Variants in CRMP1 observed in about 807,000 individuals in gnomAD.
CRMP1 encodes the protein dihydropyrimidinase-related protein 1.
Under a neutral mutation model 68.3 loss-of-function variants are expected in CRMP1, and 19 were observed. That is an observed-to-expected ratio of 0.28 (90% CI 0.19 to 0.41). The LOEUF is 0.41. Among genes scored for constraint, CRMP1 ranks in the 10% least tolerant of loss-of-function variants. CRMP1 has a pLI of 1.00. For missense variants in CRMP1, 791 were observed against 967.4 expected (o/e 0.82, Z 2.42); for synonymous variants, 439 against 399.6 (o/e 1.10, Z -1.18).
intron 13 of CRMP1, among the ~76,000 whole-genome samples, chr4:5,822,501 G>A (rs1337417137): frequency 6.6e-6 from 1 of 151,954 alleles, no homozygotes; most frequent in Non-Finnish European, 1.5e-5. Flanking sequence ...GAAGGGGGGG[G>A]GGGTGGTGTG....
rs1015962706 is a variant in CRMP1 at position 5,892,296 on chromosome 4, A to G, written c.381+293T>C. The stretch of plus-strand genomic sequence containing the variant: ...GTTTAAGCGTCCATGCGGTAGCTTT[A>G]GCCAACTTCCCCTCTCAGAACCTCT... On this transcript the variant is annotated intron_variant, in intron 1 of 13. Transcript: ENST00000324989. This position sits in a 1 kb window ranked among gnomAD's most constrained non-coding sequence, Gnocchi z 8.6. 8.5e-5 allele frequency among the ~76,000 whole-genome samples: 13 copies of G among 152,230 alleles called. No homozygotes were observed. The highest frequency in any genetic ancestry group is 2.0e-4 in the Admixed American group (3 of 15,290).
chr4:5,825,766 A>C lies in CRMP1; in HGVS notation c.1804-107T>G. ...CGAGAGAGAAACCTGAGGTCACTTC[A>C]AATGTGCATGCACACACACACACAA... On this transcript the variant is annotated intron_variant, in intron 12 of 13. Coordinates refer to ENST00000324989, the MANE Select transcript of CRMP1 (RefSeq NM_001014809.3). This position sits in a 1 kb window ranked among gnomAD's most constrained non-coding sequence, Gnocchi z 4.4. 9.0e-7 allele frequency: 1 copy of C among 1,106,886 alleles called. No homozygotes were observed. Among genetic ancestry groups the C allele is most frequent in the South Asian group, 1.5e-5 (1 of 68,686 alleles). 68.6% of individuals were successfully genotyped at this position (1,106,886 alleles called of 1,614,324 possible).
rs572143118 is a variant in CRMP1, at chr4:5,821,347, C to G, written c.*413G>C. 2 of 178,490 alleles carry G rather than the reference C, an allele frequency of 1.1e-5. No homozygotes were observed. The highest frequency in any genetic ancestry group is 3.1e-4 in the South Asian group (2 of 6,510). The allele number at this position is 178,490 out of a possible 1,614,324, so 11.1% of individuals were successfully genotyped here. A position where few individuals can be genotyped will look rare whatever the true frequency, so the allele number is the denominator to read the frequency against. On this transcript the variant is annotated 3_prime_UTR_variant, in exon 14 of 14. Coordinates refer to ENST00000324989, the MANE Select transcript of CRMP1 (RefSeq NM_001014809.3). This position sits in a 1 kb window ranked among gnomAD's most constrained non-coding sequence, Gnocchi z 4.4. The stretch of plus-strand genomic sequence containing the variant: ...CAGTCAGTCCTTGGCGATGTCCCCT[C>G]AGACGCACTCACAGACTTGCATACG...
chr4:5,853,704 G>A lies in CRMP1; in HGVS notation c.821-2235C>T, dbSNP rs930390696. Among the ~76,000 whole-genome samples the A allele has an allele frequency of 6.6e-5, 10 of 152,218 alleles. No individual in the cohort carries two copies. The highest frequency in any genetic ancestry group is 2.4e-4 in the African/African-American group (10 of 41,452). ...TAGGAAGCAACCTGTGTCCATCAAT[G>A]AATGAATGGATTTTATAAATGTGGT... On this transcript the variant is annotated intron_variant, in intron 4 of 13. Transcript: ENST00000324989. This position sits in a 1 kb window ranked among gnomAD's most constrained non-coding sequence, Gnocchi z 4.7.
At position 5,879,555 on chromosome 4, in the gene CRMP1, C is replaced by G. The variant is rs567255680; in HGVS notation, c.382-12799G>C. ...TAATCTCTGTTGGCTTCAGTTTCCTCATCTATAAATGGAACCCATCAAAAT... is the reference window on the plus strand; with the variant it reads ...TAATCTCTGTTGGCTTCAGTTTCCTGATCTATAAATGGAACCCATCAAAAT... On this transcript the variant is annotated intron_variant, in intron 1 of 13. Coordinates refer to ENST00000324989, the MANE Select transcript of CRMP1 (RefSeq NM_001014809.3). The surrounding 1 kb of genome is among the most constrained non-coding windows in gnomAD (Gnocchi z 4.2). 5.3e-4 allele frequency among the ~76,000 whole-genome samples: 80 copies of G among 152,314 alleles called. No homozygotes were observed. The highest frequency in any genetic ancestry group is 1.8e-3 in the African/African-American group (76 of 41,570).
At chr4:5,873,125 C>A (rs1461420316) in intron 1 of CRMP1, among the ~76,000 whole-genome samples, 1 of 152,174 alleles carries the variant, frequency 6.6e-6, no homozygotes, top group Non-Finnish European at 1.5e-5. Flanking sequence ...AGCTTGTGCC[C>A]TCAAGGGGTG....
rs1715736009 is a variant in CRMP1 at position 5,888,188 on chromosome 4, C to T, written c.381+4401G>A. The T allele has an allele frequency of 4.8e-6, 6 of 1,247,426 alleles. No individual in the cohort carries two copies. The South Asian group carries it at 1.5e-4, about 31-fold the overall frequency. 77.3% of individuals were successfully genotyped at this position (1,247,426 alleles called of 1,614,324 possible). A position where few individuals can be genotyped will look rare whatever the true frequency, so the allele number is the denominator to read the frequency against. ...CTGCCGGGCGCCCACTCCCAGCCCA[C>T]AAAGGCCAGCGCGGGGCGGCGGGGG... On this transcript the variant is annotated intron_variant, in intron 1 of 13. Transcript: ENST00000324989. This position sits in a 1 kb window ranked among gnomAD's most constrained non-coding sequence, Gnocchi z 6.4.
rs539295209 is a variant in CRMP1, at chr4:5,889,390, T to C, written c.381+3199A>G. On this transcript the variant is annotated intron_variant, in intron 1 of 13. Coordinates refer to ENST00000324989, the MANE Select transcript of CRMP1 (RefSeq NM_001014809.3). This position sits in a 1 kb window ranked among gnomAD's most constrained non-coding sequence, Gnocchi z 4.5. The stretch of plus-strand genomic sequence containing the variant: ...CACAGCCCTGGGGACAAGCTGGGGG[T>C]CAGGAGGAGGACTAGGGTGCTCCTG... 6.6e-6 allele frequency among the ~76,000 whole-genome samples: 1 copy of C among 151,804 alleles called. No homozygotes were observed. Among genetic ancestry groups the C allele is most frequent in the Admixed American group, 6.6e-5 (1 of 15,260 alleles).
Position 5,821,765 on chromosome 4 carries a change from C to A in CRMP1, c.2056G>T (p.Gly686Cys). 2 of 1,609,186 alleles carry A rather than the reference C, an allele frequency of 1.2e-6. No individual in the cohort carries two copies. The highest frequency in any genetic ancestry group is 8.5e-7 in the Non-Finnish European group (1 of 1,177,502). Residue 686 changes from glycine to cysteine, a missense_variant, in exon 14 of 14, where the codon GGT becomes TGT. Transcript: ENST00000324989. This position sits in a 1 kb window ranked among gnomAD's most constrained non-coding sequence, Gnocchi z 4.4. ...PGGRSNITSL[G>C] ...GCTCCTCCGCGCATCCACGTTCAACCGAGGCTGGTGATGTTGGAGCGGCCA... is the reference window on the plus strand; with the variant it reads ...GCTCCTCCGCGCATCCACGTTCAACAGAGGCTGGTGATGTTGGAGCGGCCA...
intron 11 of CRMP1, among the ~76,000 whole-genome samples, chr4:5,833,712 C>G (rs1442524479): frequency 6.6e-6 from 1 of 152,144 alleles, no homozygotes; most frequent in Non-Finnish European, 1.5e-5. Flanking sequence ...AGTGCCCACT[C>G]CTGAGCATGG....
At position 5,879,897 on chromosome 4, in the gene CRMP1, G is replaced by A. The variant is rs1259059171; in HGVS notation, c.381+12692C>T. Among the ~76,000 whole-genome samples the A allele has an allele frequency of 6.6e-6, 1 of 151,972 alleles. No homozygotes were observed. The highest frequency in any genetic ancestry group is 1.5e-5 in the Non-Finnish European group (1 of 67,996). ...CGAAAGGAAAGGAAAATGAAAGAAA[G>A]TAAAGGAAAACCTAACACCGTATGC... On this transcript the variant is annotated intron_variant, in intron 1 of 13. Coordinates refer to ENST00000324989, the MANE Select transcript of CRMP1 (RefSeq NM_001014809.3). This position sits in a 1 kb window ranked among gnomAD's most constrained non-coding sequence, Gnocchi z 4.2.
Position 5,890,697 on chromosome 4 carries a change from G to A in CRMP1, c.381+1892C>T, listed in dbSNP as rs2152477952. Among the ~76,000 whole-genome samples the A allele has an allele frequency of 6.6e-6, 1 of 152,316 alleles. No homozygotes were observed. Among genetic ancestry groups the A allele is most frequent in the South Asian group, 2.1e-4 (1 of 4,834 alleles). ...ACCACAGGGAGAAGAGGAAGGAGTA[G>A]GGGAGAGGAACGGGAGAGGTGAAGC... On this transcript the variant is annotated intron_variant, in intron 1 of 13. Coordinates refer to ENST00000324989, the MANE Select transcript of CRMP1 (RefSeq NM_001014809.3). The surrounding 1 kb of genome is among the most constrained non-coding windows in gnomAD (Gnocchi z 5.5).
rs1258872031 is a variant in CRMP1 at position 5,861,194 on chromosome 4, A to T, written c.487T>A (p.Leu163Ile). Reference protein sequence around the residue: ...DGLIKQIGENLIVPGGVKTIE... With the variant: ...DGLIKQIGENIIVPGGVKTIE... ...GTCTTCACTCCACCAGGAACGATTA[A>T]GTTCTCTCCTATTTGTCTGGAGGCA... Residue 163 changes from leucine (L) to isoleucine (I), a missense_variant, in exon 3 of 14, where the codon TTA becomes ATA. This residue lies in a region of CRMP1 where 594 missense variants were observed against 763.6 expected (regional missense o/e 0.78). Coordinates refer to ENST00000324989, the MANE Select transcript of CRMP1 (RefSeq NM_001014809.3). The surrounding 1 kb of genome is among the most constrained non-coding windows in gnomAD (Gnocchi z 6.0). The T allele has an allele frequency of 6.2e-7, 1 of 1,614,000 alleles. No homozygotes were observed. Among genetic ancestry groups the T allele is most frequent in the East Asian group, 2.2e-5 (1 of 44,882 alleles).
rs1714374316 is a variant in CRMP1 at position 5,870,671 on chromosome 4, C to A, written c.382-3915G>T. On this transcript the variant is annotated intron_variant, in intron 1 of 13. Transcript: ENST00000324989. The surrounding 1 kb of genome is among the most constrained non-coding windows in gnomAD (Gnocchi z 6.0). ...GAAGACCAGTGTGAAGAGGCACATC[C>A]CGTTCTTCAGCAGGAGGGTCTCTGG... 1.3e-5 allele frequency among the ~76,000 whole-genome samples: 2 copies of A among 152,168 alleles called. No homozygotes were observed. Among genetic ancestry groups the A allele is most frequent in the South Asian group, 4.2e-4 (2 of 4,816 alleles).
Position 5,836,899 on chromosome 4 carries a change from A to T in CRMP1, c.1318T>A (p.Leu440Met). ...YLTSLLACGD[L>M]QVTGSGHCPY... is the part of the protein sequence containing the mutation. The stretch of plus-strand genomic sequence containing the variant: ...CAGTGGCCGCTGCCTGTGACCTGCA[A>T]GTCCCCACTGGCAAGGACAAAACAA... Residue 440 changes from leucine to methionine, a missense_variant, in exon 10 of 14, where the codon TTG becomes ATG. By Grantham distance (15) the Leu-to-Met change is conservative. Coordinates refer to ENST00000324989, the MANE Select transcript of CRMP1 (RefSeq NM_001014809.3). The T allele has an allele frequency of 6.2e-7, 1 of 1,610,988 alleles. No homozygotes were observed. The highest frequency in any genetic ancestry group is 8.5e-7 in the Non-Finnish European group (1 of 1,178,374).
chr4:5,873,526 G>T (rs74928593), intron 1 of CRMP1, among the ~76,000 whole-genome samples: 2 of 151,782 alleles, frequency 1.3e-5, no homozygotes, highest in Admixed American at 6.6e-5. Flanking sequence ...GGGGTGGGGG[G>T]TGAGCACCTC....
rs575638954 is a variant in CRMP1, at chr4:5,858,234, A to G, written c.656-1927T>C. On this transcript the variant is annotated intron_variant, in intron 3 of 13. Transcript: ENST00000324989. This position sits in a 1 kb window ranked among gnomAD's most constrained non-coding sequence, Gnocchi z 5.5. ...AATCATCCTGAGGACTCCATCCCCT[A>G]CTGTTCACTATGCTTACTAATTGGA... 6.6e-6 allele frequency among the ~76,000 whole-genome samples: 1 copy of G among 152,030 alleles called. No individual in the cohort carries two copies. The highest frequency in any genetic ancestry group is 1.9e-4 in the East Asian group (1 of 5,162).
rs2152470081 is a variant in CRMP1, at chr4:5,866,797, G to T, written c.382-41C>A. ...AAGTATTAAGGATCCTTGGTGAAAA[G>T]CCAGGATAAAGTTTTTTCTTTTTAA... On this transcript the variant is annotated intron_variant, in intron 1 of 13. Coordinates refer to ENST00000324989, the MANE Select transcript of CRMP1 (RefSeq NM_001014809.3). The surrounding 1 kb of genome is among the most constrained non-coding windows in gnomAD (Gnocchi z 5.9). 7.0e-7 allele frequency: 1 copy of T among 1,436,594 alleles called. No individual in the cohort carries two copies. Among genetic ancestry groups the T allele is most frequent in the Non-Finnish European group, 9.5e-7 (1 of 1,051,306 alleles). 89.0% of individuals were successfully genotyped at this position (1,436,594 alleles called of 1,614,324 possible).
chr4:5,887,797 C>G, intron 1 of CRMP1: 1 of 990,872 alleles, frequency 1.0e-6, no homozygotes, highest in Non-Finnish European at 1.2e-6. Context: ...GGGGAGGTAC[C>G]GGGCTGTGGG....
Sources: allele counts gnomAD v4.1 joint callset (sites outside exome capture counted in the v4.1 genomes callset), GRCh38; gene constraint gnomAD v4.1.1; regional missense constraint gnomAD v4.1.1; non-coding constraint Gnocchi (gnomAD v3.1); transcripts MANE v1.5; gene names NCBI Gene and HGNC (gene_info 2026-07-23, HGNC 2026-07-21).